Variants in MCTP2 observed in about 807,000 individuals in gnomAD.
The protein encoded by MCTP2 is multiple C2 and transmembrane domain-containing protein 2.
In MCTP2, 132 loss-of-function variants were observed where a neutral mutation model predicts 111.6. The observed-to-expected ratio is 1.18, with a 90% CI of 1.03 to 1.37. MCTP2 has a LOEUF of 1.37. Ranked by LOEUF, MCTP2 falls within the 40% of genes most tolerant of loss-of-function variation. The pLI, the probability that MCTP2 is intolerant of heterozygous loss-of-function variation, is 0.00. For synonymous variants in MCTP2, 395 were observed against 387.7 expected (o/e 1.02, Z -0.22); for missense variants, 1,183 against 1,067.9 (o/e 1.11, Z -1.50).
intron 2 of MCTP2, among the ~76,000 whole-genome samples, chr15:94,308,634 G>A (rs796151288): frequency 5.3e-5 from 8 of 152,340 alleles, no homozygotes; most frequent in African/African-American, 1.9e-4. Flanking sequence ...TAATAAACAT[G>A]CAAAAAACTT....
At chr15:94,370,693 G>T (rs2079437392) in intron 12 of MCTP2, among the ~76,000 whole-genome samples, 1 of 152,040 alleles carries the variant, frequency 6.6e-6, no homozygotes, top group Admixed American at 6.6e-5. Context: ...TCTGTAACTT[G>T]AACTTTTAGA....
chr15:94,263,684 A>T, intron 1 of MCTP2, among the ~76,000 whole-genome samples: 1 of 152,260 alleles, frequency 6.6e-6, no homozygotes, highest in East Asian at 1.9e-4. Flanking sequence ...AGCATTAAAT[A>T]GACCACGGAA....
intron 14 of MCTP2, among the ~76,000 whole-genome samples, chr15:94,387,319 T>C (rs1156851467): frequency 1.3e-5 from 2 of 151,884 alleles, no homozygotes; most frequent in East Asian, 3.9e-4. Flanking sequence ...CCCTGACCTC[T>C]ACACACTAGA....
chr15:94,245,288 A>G (rs1413731324), intron 1 of MCTP2, among the ~76,000 whole-genome samples: 2 of 141,592 alleles, frequency 1.4e-5, no homozygotes, highest in Non-Finnish European at 3.0e-5. Context: ...ATATACACAT[A>G]TGTATATATT....
In MCTP2 at chr15:94,385,457, A is replaced by C. The variant is rs1229845214; in HGVS notation, c.1720A>C (p.Thr574Pro). The stretch of plus-strand genomic sequence containing the variant: ...AGATATCCATGATGTTTTGGAAGTG[A>C]CAGTGTTTGATGAAGATGGAGATAA... ...IKDIHDVLEV[T>P]VFDEDGDKPP... Residue 574 changes from threonine to proline, a missense_variant, in exon 14 of 23, where the codon ACA becomes CCA. Physicochemically the swap from Thr to Pro is conservative, Grantham distance 38. Coordinates refer to ENST00000357742, the MANE Select transcript of MCTP2 (RefSeq NM_001385001.1). The C allele has an allele frequency of 6.2e-7, 1 of 1,613,494 alleles. No homozygotes were observed. The highest frequency in any genetic ancestry group is 1.1e-5 in the South Asian group (1 of 91,080).
intron 4 of MCTP2, among the ~76,000 whole-genome samples, chr15:94,319,398 C>A (rs1174022730): frequency 6.6e-6 from 1 of 152,174 alleles, no homozygotes; most frequent in Non-Finnish European, 1.5e-5. Flanking sequence ...ATCCTTTGGA[C>A]CAATAGTTCT....
intron 20 of MCTP2, among the ~76,000 whole-genome samples, chr15:94,465,417 A>G (rs1166153957): frequency 2.0e-5 from 3 of 152,186 alleles, no homozygotes; most frequent in African/African-American, 7.2e-5. Flanking sequence ...GATTAACAAT[A>G]ATAATGAAAT....
intron 14 of MCTP2, among the ~76,000 whole-genome samples, chr15:94,396,452 G>GTA (rs1032700860): frequency 4.1e-4 from 62 of 151,982 alleles, no homozygotes; most frequent in African/African-American, 1.3e-3. Context: ...GTGTGTGTGT[G>GTA]TATATATATA....
chr15:94,431,097 G>GT (rs1181945576), intron 17 of MCTP2, among the ~76,000 whole-genome samples: 1 of 152,030 alleles, frequency 6.6e-6, no homozygotes, highest in East Asian at 1.9e-4. Context: ...CTTTTGGTTT[G>GT]TTTTTGTTTA....
intron 17 of MCTP2, among the ~76,000 whole-genome samples, chr15:94,437,155 C>CAAAAAAAAAAAAAAA (rs11352999): frequency 1.4e-5 from 1 of 69,556 alleles, no homozygotes; most frequent in Non-Finnish European, 2.8e-5. Context: ...CTTACACATC[C>CAAAAAAAAAAAAAAA]AAAAAAAAAA....
intron 17 of MCTP2, among the ~76,000 whole-genome samples, chr15:94,415,095 A>G (rs988558725): frequency 6.6e-6 from 1 of 152,130 alleles, no homozygotes; most frequent in Non-Finnish European, 1.5e-5. Flanking sequence ...TACACTGGCT[A>G]AAAAGCCTTA....
chr15:94,359,629 A>G (rs1378969977), intron 10 of MCTP2, among the ~76,000 whole-genome samples: 1 of 152,162 alleles, frequency 6.6e-6, no homozygotes, highest in African/African-American at 2.4e-5. Context: ...CATTTGCAGA[A>G]AGGGTTTTGT....
intron 17 of MCTP2, among the ~76,000 whole-genome samples, chr15:94,431,747 T>C (rs1008506325): frequency 1.5e-4 from 23 of 152,208 alleles, no homozygotes; most frequent in African/African-American, 4.3e-4. Context: ...TTACCCAATA[T>C]GTTTATTCTA....
At chr15:94,337,690 C>T (rs571316151) in intron 4 of MCTP2, among the ~76,000 whole-genome samples, 13 of 151,442 alleles carry the variant, frequency 8.6e-5, no homozygotes, top group South Asian at 2.1e-4. Context: ...TGTGTGCGCG[C>T]GCATGCACGC....
At chr15:94,264,336 C>T (rs1400959535) in intron 1 of MCTP2, among the ~76,000 whole-genome samples, 2 of 152,034 alleles carry the variant, frequency 1.3e-5, no homozygotes, top group Non-Finnish European at 2.9e-5. Flanking sequence ...AGGCTGGGCG[C>T]GGTGGCTCAT....
At chr15:94,278,591 T>G (rs1298536784) in intron 1 of MCTP2, among the ~76,000 whole-genome samples, 2 of 152,138 alleles carry the variant, frequency 1.3e-5, no homozygotes, top group African/African-American at 4.8e-5. Context: ...TTTCAACTGT[T>G]ATTTTAGTTT....
intron 1 of MCTP2, among the ~76,000 whole-genome samples, chr15:94,243,960 T>C (rs1442925742): frequency 2.0e-5 from 3 of 147,162 alleles, no homozygotes; most frequent in Non-Finnish European, 3.0e-5. Flanking sequence ...TGTATATATT[T>C]ACACACACAT....
chr15:94,389,971 A>G (rs2152460951), intron 14 of MCTP2, among the ~76,000 whole-genome samples: 1 of 150,916 alleles, frequency 6.6e-6, no homozygotes. Context: ...TATCTTTTTA[A>G]TCAAGGTGAA....
rs920582968 is a variant in MCTP2, at chr15:94,463,007, G to T, written c.2360+4761G>T. Among the ~76,000 whole-genome samples, 4 of 152,124 alleles carry T rather than the reference G, an allele frequency of 2.6e-5. No individual in the cohort carries two copies. The South Asian group carries it at 8.3e-4, about 32-fold the overall frequency. ...TCTAAACCATTTTAACACTAAAATT[G>T]TGGGTCGCTGAGGGGAAAATGCATT... On this transcript the variant is annotated intron_variant, in intron 20 of 22. Coordinates refer to ENST00000357742, the MANE Select transcript of MCTP2 (RefSeq NM_001385001.1).
Sources: allele counts gnomAD v4.1 joint callset (sites outside exome capture counted in the v4.1 genomes callset), GRCh38; gene constraint gnomAD v4.1.1; transcripts MANE v1.5; gene names NCBI Gene and HGNC (gene_info 2026-07-23, HGNC 2026-07-21).